The following SINHCAF variants were observed in gnomAD, a reference collection of about 807,000 sequenced individuals.
SINHCAF encodes the protein SIN3-HDAC complex-associated factor.
SINHCAF carries 3 observed loss-of-function variants against 25.8 expected under a neutral mutation model. The observed-to-expected ratio is 0.12, with a 90% CI of 0.05 to 0.30. SINHCAF has a LOEUF of 0.30. Ranked by LOEUF, SINHCAF falls within the 10% of genes least tolerant of loss-of-function variation. SINHCAF has a pLI of 1.00. For synonymous variants in SINHCAF, 70 were observed against 85.5 expected, an observed-to-expected ratio of 0.82 and a Z score of 1.00; for missense variants, 121 against 262.3, an observed-to-expected ratio of 0.46 and a Z score of 3.72.
intron 2 of SINHCAF, among the ~76,000 whole-genome samples, chr12:31,296,071 G>A (rs1304253701): frequency 6.6e-6 from 1 of 151,910 alleles, no homozygotes; most frequent in Non-Finnish European, 1.5e-5. Context: ...AAATTAAAGA[G>A]TAAAACTCAA....
rs183972723 is a variant in SINHCAF, at chr12:31,311,595, C to A, written c.-20-13371G>T. The stretch of plus-strand genomic sequence containing the variant: ...GCAAGCCAGTGAGTGGGTCCCGCAG[C>A]CCCCTGGACCCAGGGCCAAGCATGG... On this transcript the variant is annotated intron_variant, in intron 1 of 5. Transcript: ENST00000337682. 1.0e-3 allele frequency: 314 copies of A among 311,908 alleles called. 1 individual carries two copies. Among genetic ancestry groups the A allele is most frequent in the African/African-American group, 6.5e-3 (296 of 45,632 alleles). The allele number at this position is 311,908 out of a possible 1,614,324, so 19.3% of individuals were successfully genotyped here. A position where few individuals can be genotyped will look rare whatever the true frequency, so the allele number is the denominator to read the frequency against.
intron 1 of SINHCAF, chr12:31,303,138 TCTAA>T (rs1203419668): frequency 1.0e-5 from 10 of 985,412 alleles, no homozygotes; most frequent in East Asian, 2.3e-4. Flanking sequence ...CTAACACTGA[TCTAA>T]CTGACATAGC....
At position 31,281,784 on chromosome 12, in the gene SINHCAF, G is replaced by A. The variant is rs576721780; in HGVS notation, c.*928C>T. ...GAGGAGCTTTGATTCTGCTTTAGAA[G>A]TTTTACATAAATTAAAATCTTTATC... On this transcript the variant is annotated 3_prime_UTR_variant, in exon 6 of 6. Transcript: ENST00000337682. 1.3e-5 allele frequency: 2 copies of A among 152,286 alleles called. No individual in the cohort carries two copies. The highest frequency in any genetic ancestry group is 2.9e-5 in the Non-Finnish European group (2 of 68,020). The allele number at this position is 152,286 out of a possible 1,614,324, so 9.4% of individuals were successfully genotyped here. A position where few individuals can be genotyped will look rare whatever the true frequency, so the allele number is the denominator to read the frequency against.
chr12:31,286,897 T>C (rs1175980024), intron 5 of SINHCAF, among the ~76,000 whole-genome samples: 1 of 152,184 alleles, frequency 6.6e-6, no homozygotes, highest in Admixed American at 6.5e-5. Flanking sequence ...TTAGTACAAC[T>C]TGCCTATTGT....
intron 5 of SINHCAF, 110 bp downstream of exon 5, chr12:31,287,524 C>T (rs574770861): frequency 5.6e-6 from 4 of 711,988 alleles, no homozygotes; most frequent in Non-Finnish European, 6.7e-6. Flanking sequence ...CCACTGCAAT[C>T]GTGTGTTACC....
chr12:31,284,034 G>A (rs1937930705), intron 5 of SINHCAF, among the ~76,000 whole-genome samples: 1 of 152,004 alleles, frequency 6.6e-6, no homozygotes, highest in Non-Finnish European at 1.5e-5. Context: ...TTATTTTAAT[G>A]TATAAATCAG....
At chr12:31,303,165 T>C (rs1938876437) in intron 1 of SINHCAF, 1 of 985,458 alleles carries the variant, frequency 1.0e-6, no homozygotes, top group Non-Finnish European at 1.2e-6. Flanking sequence ...CCTTTGCACG[T>C]ACACATTCTT....
At chr12:31,301,556 C>G (rs1269378336) in intron 1 of SINHCAF, among the ~76,000 whole-genome samples, 2 of 152,128 alleles carry the variant, frequency 1.3e-5, no homozygotes, top group African/African-American at 4.8e-5. Flanking sequence ...ACCTATTAAG[C>G]CTTTTCTGAG....
At chr12:31,311,668 A>T (rs572687642) in intron 1 of SINHCAF, 86 of 445,308 alleles carry the variant, frequency 1.9e-4, no homozygotes, top group Admixed American at 5.2e-4. Context: ...AACTGAGCTT[A>T]TAACAATATT....
rs1184600006 is a variant in SINHCAF at position 31,295,211 on chromosome 12, AGAAAAAAGAAAGATGG to A, written c.228+7_228+22del. On this transcript the variant is annotated splice_region_variant and intron_variant, in intron 3 of 5. Transcript: ENST00000337682. ...TTTAAATACAGTAGAGGTATAATTGAGAAAAAAGAAAGATGGACTAACATGATTCCAGTTTTTTTTT... is the reference window on the plus strand; with the variant it reads ...TTTAAATACAGTAGAGGTATAATTGAACTAACATGATTCCAGTTTTTTTTT... The A allele has an allele frequency of 6.9e-7, 1 of 1,447,424 alleles. No individual in the cohort carries two copies. The highest frequency in any genetic ancestry group is 2.3e-5 in the East Asian group (1 of 44,074). The allele number at this position is 1,447,424 out of a possible 1,614,324, so 89.7% of individuals were successfully genotyped here. A position where few individuals can be genotyped will look rare whatever the true frequency, so the allele number is the denominator to read the frequency against.
chr12:31,306,215 T>TA (rs1445168744), intron 1 of SINHCAF, among the ~76,000 whole-genome samples: 2 of 152,102 alleles, frequency 1.3e-5, no homozygotes, highest in Non-Finnish European at 2.9e-5. Context: ...GGCAGCTAGA[T>TA]AAAATCAAGC....
chr12:31,319,613 G>T (rs1161705286), intron 1 of SINHCAF, among the ~76,000 whole-genome samples: 2 of 152,180 alleles, frequency 1.3e-5, no homozygotes, highest in Non-Finnish European at 2.9e-5. Flanking sequence ...CACAAGGTAT[G>T]CACTCAGCTC....
chr12:31,314,386 C>A (rs927760882), intron 1 of SINHCAF, among the ~76,000 whole-genome samples: 2 of 151,962 alleles, frequency 1.3e-5, no homozygotes, highest in Non-Finnish European at 1.5e-5. Context: ...AATAGCCGGG[C>A]GTGGTGGCGG....
At chr12:31,297,348 A>G (rs1034572959) in intron 2 of SINHCAF, among the ~76,000 whole-genome samples, 2 of 151,528 alleles carry the variant, frequency 1.3e-5, no homozygotes, top group Non-Finnish European at 2.9e-5. Context: ...TTTTGTAGAG[A>G]TGGGTTTCCC....
intron 1 of SINHCAF, among the ~76,000 whole-genome samples, chr12:31,323,318 AT>A (rs1326573720): frequency 2.6e-5 from 4 of 152,236 alleles, no homozygotes; most frequent in Non-Finnish European, 5.9e-5. Flanking sequence ...ATTTTGCGAC[AT>A]AAAATTTTAA....
intron 4 of SINHCAF, among the ~76,000 whole-genome samples, chr12:31,293,068 C>A (rs1592962306): frequency 6.6e-6 from 1 of 152,184 alleles, no homozygotes; most frequent in East Asian, 1.9e-4. Context: ...TATGTACCAT[C>A]TATTTATTCC....
At chr12:31,291,648 C>A (rs1219814055) in intron 4 of SINHCAF, among the ~76,000 whole-genome samples, 2 of 152,140 alleles carry the variant, frequency 1.3e-5, no homozygotes, top group African/African-American at 4.8e-5. Context: ...CCTGTAATCC[C>A]AGCTACTCGG....
intron 1 of SINHCAF, among the ~76,000 whole-genome samples, chr12:31,310,919 G>A (rs950846238): frequency 1.1e-4 from 16 of 150,544 alleles, no homozygotes; most frequent in Non-Finnish European, 1.3e-4. Context: ...CGCCAGGCTG[G>A]AGTGCAGTGG....
intron 1 of SINHCAF, chr12:31,312,087 G>A (rs1939292201): frequency 4.1e-6 from 2 of 485,232 alleles, no homozygotes; most frequent in Non-Finnish European, 8.0e-6. Context: ...ACTGTTCCCT[G>A]GTCCCAATGG....
Sources: gnomAD v4.1 joint callset for allele counts (sites outside exome capture counted in the v4.1 genomes callset) on GRCh38, gnomAD v4.1.1 for gene constraint, MANE v1.5 for transcripts, NCBI Gene and HGNC (gene_info 2026-07-23, HGNC 2026-07-21) for gene names.